The following MDGA2 variants were observed in gnomAD, a reference collection of about 807,000 sequenced individuals.
MDGA2 encodes the protein MAM domain-containing glycosylphosphatidylinositol anchor protein 2.
Under a neutral mutation model 117.8 loss-of-function variants are expected in MDGA2, and 40 were observed. That is an observed-to-expected ratio of 0.34 (90% CI 0.26 to 0.44). MDGA2 has a LOEUF of 0.44. Among genes scored for constraint, MDGA2 ranks in the 20% least tolerant of loss-of-function variants. The probability of loss-of-function intolerance (pLI) is 1.00; values close to 1 mark genes in which losing one functional copy is unlikely to be tolerated. For missense variants in MDGA2, 1,123 were observed against 1,250.6 expected (o/e 0.90, Z 1.54); for synonymous variants, 452 against 439.0 (o/e 1.03, Z -0.37).
At chr14:46,890,910 G>A (rs1882856063) in intron 10 of MDGA2, among the ~76,000 whole-genome samples, 1 of 152,032 alleles carries the variant, frequency 6.6e-6, no homozygotes, top group Admixed American at 6.6e-5. Flanking sequence ...AGGGTGTTAT[G>A]ATAAAGTTAA....
intron 2 of MDGA2, chr14:47,299,267 T>C (rs955215429): frequency 6.6e-6 from 1 of 152,186 alleles, no homozygotes; most frequent in African/African-American, 2.4e-5. Context: ...ATGGGAAATT[T>C]CTAATATTAA....
chr14:47,026,337 A>G (rs191835144), intron 8 of MDGA2, among the ~76,000 whole-genome samples: 1 of 152,054 alleles, frequency 6.6e-6, no homozygotes, highest in East Asian at 1.9e-4. Flanking sequence ...TAATTAAAGT[A>G]CTCTTTTGAC....
At chr14:47,358,741 A>C (rs938719361) in intron 1 of MDGA2, among the ~76,000 whole-genome samples, 8 of 152,234 alleles carry the variant, frequency 5.3e-5, no homozygotes, top group African/African-American at 1.9e-4. Context: ...ACTACTTAGG[A>C]ATACATTTCA....
intron 8 of MDGA2, among the ~76,000 whole-genome samples, chr14:47,024,725 G>A (rs1446095469): frequency 6.6e-6 from 1 of 152,134 alleles, no homozygotes; most frequent in Non-Finnish European, 1.5e-5. Context: ...TTTGAATTAA[G>A]AAGAAAGAGT....
chr14:47,189,433 C>T (rs1341819832), intron 3 of MDGA2, among the ~76,000 whole-genome samples: 2 of 152,012 alleles, frequency 1.3e-5, no homozygotes, highest in African/African-American at 2.4e-5. Context: ...GGTTTAAGTA[C>T]CTCTGCTTAA....
At chr14:47,593,873 T>C (rs1053179703) in intron 1 of MDGA2, among the ~76,000 whole-genome samples, 2 of 152,116 alleles carry the variant, frequency 1.3e-5, no homozygotes, top group African/African-American at 4.8e-5. Flanking sequence ...TATCCCGTAA[T>C]TTAAAATAAA....
chr14:47,288,967 A>T (rs992073957), intron 2 of MDGA2, among the ~76,000 whole-genome samples: 2 of 152,136 alleles, frequency 1.3e-5, no homozygotes, highest in African/African-American at 4.8e-5. Flanking sequence ...TAAATGTATC[A>T]TGTTTACAAC....
intron 6 of MDGA2, among the ~76,000 whole-genome samples, chr14:47,074,645 C>T (rs1890424798): frequency 6.6e-6 from 1 of 152,224 alleles, no homozygotes; most frequent in Non-Finnish European, 1.5e-5. Context: ...TGAGGAGCAG[C>T]AGCTCAGTCC....
At chr14:46,997,691 G>T (rs1887346169) in intron 8 of MDGA2, among the ~76,000 whole-genome samples, 1 of 152,074 alleles carries the variant, frequency 6.6e-6, no homozygotes, top group Non-Finnish European at 1.5e-5. Context: ...GCATTTATAG[G>T]AACATAAGGT....
At chr14:46,959,493 T>C (rs1045186519) in intron 8 of MDGA2, among the ~76,000 whole-genome samples, 9 of 152,026 alleles carry the variant, frequency 5.9e-5, no homozygotes, top group Non-Finnish European at 1.0e-4. Context: ...CATGAGCTTA[T>C]GCTTTATTTT....
At chr14:46,983,081 T>G (rs1041542987) in intron 8 of MDGA2, among the ~76,000 whole-genome samples, 1 of 152,136 alleles carries the variant, frequency 6.6e-6, no homozygotes, top group African/African-American at 2.4e-5. Flanking sequence ...GTTTTTGTCT[T>G]TGGTTCTGTT....
chr14:47,635,533 A>T (rs1897307974), intron 1 of MDGA2, among the ~76,000 whole-genome samples: 1 of 152,174 alleles, frequency 6.6e-6, no homozygotes, highest in Non-Finnish European at 1.5e-5. Flanking sequence ...ATAAAAACTA[A>T]CTTCAACAGG....
Position 47,566,760 on chromosome 14 carries a change from C to T in MDGA2, c.280+107757G>A, listed in dbSNP as rs149998045. On this transcript the variant is annotated intron_variant, in intron 1 of 16. Coordinates refer to ENST00000399232, the MANE Select transcript of MDGA2 (RefSeq NM_001113498.3). ...CCCTTGCAGAGTTCCCAGCTTCCTC[C>T]CTCTTCAGCCCAGCATCTGTGTCCT... Among the ~76,000 whole-genome samples, 1,246 of 152,062 alleles carry T rather than the reference C, an allele frequency of 8.2e-3. 6 individuals are homozygous for T. The highest frequency in any genetic ancestry group is 0.013 in the Admixed American group (191 of 15,276).
In MDGA2 at chr14:47,290,373, G is replaced by A. The variant is rs147767747; in HGVS notation, c.420+11038C>T. On this transcript the variant is annotated intron_variant, in intron 2 of 16. Coordinates refer to ENST00000399232, the MANE Select transcript of MDGA2 (RefSeq NM_001113498.3). ...GAGAAAGCAAGCCCTCATCATACAT[G>A]GAATCTGCAGGTGCCTTAATCTTGG... is the stretch of plus-strand genomic sequence containing the variant. Among the ~76,000 whole-genome samples, 529 of 152,172 alleles carry A rather than the reference G, an allele frequency of 3.5e-3. 2 individuals are homozygous for A. Among genetic ancestry groups the A allele is most frequent in the Non-Finnish European group, 4.8e-3 (329 of 67,982 alleles).
intron 1 of MDGA2, among the ~76,000 whole-genome samples, chr14:47,595,564 A>AAAAAAAAAAC (rs1566532690): frequency 2.0e-5 from 3 of 146,622 alleles, no homozygotes; most frequent in Non-Finnish European, 3.0e-5. Context: ...AAACAAAAAA[A>AAAAAAAAAAC]AAAAAAACCC....
intron 1 of MDGA2, among the ~76,000 whole-genome samples, chr14:47,401,000 G>A (rs1208413410): frequency 1.3e-5 from 2 of 151,150 alleles, no homozygotes; most frequent in East Asian, 2.0e-4. Flanking sequence ...CTCATGATCC[G>A]CTCACCTCGG....
intron 6 of MDGA2, 65 bp from the exon 7 acceptor site, chr14:47,061,643 T>A: frequency 8.2e-7 from 1 of 1,212,250 alleles, no homozygotes; most frequent in Non-Finnish European, 1.2e-6. Context: ...TCATTAACTG[T>A]AGATAATCAT....
intron 8 of MDGA2, among the ~76,000 whole-genome samples, chr14:47,011,735 A>G (rs1316144684): frequency 1.3e-5 from 2 of 152,054 alleles, no homozygotes; most frequent in African/African-American, 4.8e-5. Flanking sequence ...TTCTGATACT[A>G]TATAACAATT....
chr14:47,032,754 A>C (rs1888707424), intron 8 of MDGA2, among the ~76,000 whole-genome samples: 1 of 152,218 alleles, frequency 6.6e-6, no homozygotes, highest in Non-Finnish European at 1.5e-5. Flanking sequence ...GTACTCAGGA[A>C]TATTCTGGAG....
Sources: gnomAD v4.1 joint callset for allele counts (sites outside exome capture counted in the v4.1 genomes callset) on GRCh38, gnomAD v4.1.1 for gene constraint, MANE v1.5 for transcripts, NCBI Gene and HGNC (gene_info 2026-07-23, HGNC 2026-07-21) for gene names.